Variants in SYNDIG1 observed in about 807,000 individuals in gnomAD.
SYNDIG1 encodes synapse differentiation-inducing gene protein 1.
SYNDIG1 carries 9 observed loss-of-function variants against 19.4 expected under a neutral mutation model. The observed-to-expected ratio is 0.46, with a 90% confidence interval of 0.28 to 0.81. The LOEUF is 0.81. Ranked by LOEUF, SYNDIG1 falls within the 30% of genes least tolerant of loss-of-function variation. The probability of loss-of-function intolerance (pLI) is 0.12; values close to 1 mark genes in which losing one functional copy is unlikely to be tolerated. For missense variants in SYNDIG1, 311 were observed against 343.3 expected, an observed-to-expected ratio of 0.91 and a Z score of 0.74; for synonymous variants, 141 against 145.9, an observed-to-expected ratio of 0.97 and a Z score of 0.24.
chr20:24,621,150 T>A (rs1213075622), intron 3 of SYNDIG1, among the ~76,000 whole-genome samples: 1 of 152,256 alleles, frequency 6.6e-6, no homozygotes, highest in Non-Finnish European at 1.5e-5. Flanking sequence ...ATCAAATATC[T>A]GCAGCCTGAT....
chr20:24,482,001 G>A (rs764627018), intron 1 of SYNDIG1, among the ~76,000 whole-genome samples: 27 of 152,000 alleles, frequency 1.8e-4, no homozygotes, highest in Non-Finnish European at 3.8e-4. Context: ...AAATTGGAAC[G>A]CATATAATAA....
At chr20:24,627,144 GGAGAGGGAGAGCGAGAGC>G (rs752516375) in intron 3 of SYNDIG1, among the ~76,000 whole-genome samples, 1,235 of 103,396 alleles carry the variant, frequency 0.012, 8 homozygotes, top group Middle Eastern at 0.033. Flanking sequence ...AGAGGGAGAG[GGAGAGGGAGAGCGAGAGC>G]GAGAGCGAGA....
chr20:24,510,084 C>G (rs900408778), intron 1 of SYNDIG1, among the ~76,000 whole-genome samples: 1 of 152,176 alleles, frequency 6.6e-6, no homozygotes, highest in Non-Finnish European at 1.5e-5. Context: ...TGAGTCCTCC[C>G]CAGAAGCTGA....
Position 24,554,862 on chromosome 20 carries a change from T to C in SYNDIG1, c.480+11285T>C, listed in dbSNP as rs373439164. 2.0e-5 allele frequency among the ~76,000 whole-genome samples: 3 copies of C among 151,960 alleles called. No homozygotes were observed. In the East Asian group the frequency reaches 5.8e-4, roughly 29 times the overall value. ...TTCCCTCTTTTTCTATTGATTGGAA[T>C]AGTTTCAGAAGGAATAGTACCAGTT... On this transcript the variant is annotated intron_variant, in intron 2 of 3. Coordinates refer to ENST00000376862, the MANE Select transcript of SYNDIG1 (RefSeq NM_024893.3).
intron 3 of SYNDIG1, among the ~76,000 whole-genome samples, chr20:24,645,614 C>T (rs1218589656): frequency 1.3e-5 from 2 of 152,196 alleles, no homozygotes; most frequent in African/African-American, 2.4e-5. Flanking sequence ...GCCCTCTGGG[C>T]GAATCCACTG....
chr20:24,585,040 G>A (rs1180810097), intron 3 of SYNDIG1, 47 bp downstream of exon 3: 2 of 1,430,346 alleles, frequency 1.4e-6, no homozygotes, highest in Non-Finnish European at 1.9e-6. Context: ...GTGTTCACAG[G>A]GTGGGGGTGG....
intron 2 of SYNDIG1, among the ~76,000 whole-genome samples, chr20:24,555,308 G>A (rs980962240): frequency 1.3e-5 from 2 of 152,032 alleles, no homozygotes; most frequent in African/African-American, 4.8e-5. Context: ...ATTTCCTTCA[G>A]TTCTGCTCTG....
intron 1 of SYNDIG1, among the ~76,000 whole-genome samples, chr20:24,495,965 C>T (rs1352117399): frequency 6.6e-6 from 1 of 152,170 alleles, no homozygotes; most frequent in Non-Finnish European, 1.5e-5. Context: ...CTGCCTCAGC[C>T]TCCCGAGTAG....
intron 3 of SYNDIG1, among the ~76,000 whole-genome samples, chr20:24,649,093 T>C (rs1315612769): frequency 6.6e-6 from 1 of 152,172 alleles, no homozygotes; most frequent in African/African-American, 2.4e-5. Flanking sequence ...TGTGAAAGCA[T>C]GGTGCAGGGA....
Position 24,493,135 on chromosome 20 carries a change from G to T in SYNDIG1, c.-79+23382G>T, listed in dbSNP as rs538169971. 3.5e-4 allele frequency among the ~76,000 whole-genome samples: 53 copies of T among 152,320 alleles called. No individual in the cohort carries two copies. The South Asian group carries it at 5.2e-3, about 15-fold the overall frequency. On this transcript the variant is annotated intron_variant, in intron 1 of 3. Transcript: ENST00000376862. ...TCCTGTTTCTGTCAAAGTCAATTTC[G>T]TTGGAAAAATTACACAAGCAAACCT...
At chr20:24,573,959 C>T (rs1326600648) in intron 2 of SYNDIG1, among the ~76,000 whole-genome samples, 1 of 152,154 alleles carries the variant, frequency 6.6e-6, no homozygotes, top group East Asian at 1.9e-4. Context: ...TGAAGTCTGC[C>T]CTGCAAAGGG....
intron 2 of SYNDIG1, among the ~76,000 whole-genome samples, chr20:24,562,915 A>G (rs2057973560): frequency 6.7e-6 from 1 of 150,192 alleles, no homozygotes. Context: ...TGAGTGAAAT[A>G]CCTTCTGACA....
chr20:24,572,766 T>C (rs1177582140), intron 2 of SYNDIG1, among the ~76,000 whole-genome samples: 4 of 152,228 alleles, frequency 2.6e-5, no homozygotes, highest in Non-Finnish European at 5.9e-5. Flanking sequence ...ATACTGTATC[T>C]TTCCATTCCC....
At chr20:24,656,902 C>T (rs976512348) in intron 3 of SYNDIG1, among the ~76,000 whole-genome samples, 19 of 152,328 alleles carry the variant, frequency 1.2e-4, no homozygotes, top group Non-Finnish European at 2.6e-4. Flanking sequence ...GTCCTGCGGA[C>T]GGATCCCTCA....
At chr20:24,603,063 CTTTA>C (rs1349883279) in intron 3 of SYNDIG1, among the ~76,000 whole-genome samples, 2 of 152,160 alleles carry the variant, frequency 1.3e-5, no homozygotes, top group Non-Finnish European at 1.5e-5. Context: ...AAGAAACAAT[CTTTA>C]TTTAAATGCT....
intron 2 of SYNDIG1, among the ~76,000 whole-genome samples, chr20:24,546,382 T>C (rs946830068): frequency 3.3e-5 from 5 of 152,202 alleles, no homozygotes; most frequent in Non-Finnish European, 5.9e-5. Context: ...CTTCAGCTTA[T>C]GATTTCTGAG....
chr20:24,647,798 T>C (rs996829879), intron 3 of SYNDIG1, among the ~76,000 whole-genome samples: 2 of 149,066 alleles, frequency 1.3e-5, no homozygotes, highest in South Asian at 2.2e-4. Flanking sequence ...TTGTGAAAAG[T>C]TGGGGACAGA....
chr20:24,623,521 T>C (rs1287132511), intron 3 of SYNDIG1, among the ~76,000 whole-genome samples: 1 of 152,224 alleles, frequency 6.6e-6, no homozygotes, highest in Non-Finnish European at 1.5e-5. Flanking sequence ...TTCTTACTCA[T>C]AATTTATCTA....
chr20:24,577,059 A>G (rs6083561), intron 2 of SYNDIG1, among the ~76,000 whole-genome samples: 1 of 152,196 alleles, frequency 6.6e-6, no homozygotes, highest in Non-Finnish European at 1.5e-5. Context: ...AACTAAAAGT[A>G]TGACAGCATA....
Sources: allele counts gnomAD v4.1 joint callset (sites outside exome capture counted in the v4.1 genomes callset), GRCh38; gene constraint gnomAD v4.1.1; transcripts MANE v1.5; gene names NCBI Gene and HGNC (gene_info 2026-07-23, HGNC 2026-07-21).